The following CFAP99 variants were observed in gnomAD, a reference collection of about 807,000 sequenced individuals.
CFAP99 encodes the protein cilia- and flagella-associated protein 99.
In CFAP99, 84 loss-of-function variants were observed where a neutral mutation model predicts 82.7. The ratio of observed to expected loss-of-function variants is 1.02; its 90% CI spans 0.85 to 1.22. The LOEUF (loss-of-function observed/expected upper bound fraction) is 1.22. Ranked by LOEUF, CFAP99 falls within the 50% of genes most tolerant of loss-of-function variation. The pLI, the probability that CFAP99 is intolerant of heterozygous loss-of-function variation, is 0.00. For missense variants in CFAP99, 1,059 were observed against 983.5 expected, an observed-to-expected ratio of 1.08 and a Z score of -1.03; for synonymous variants, 456 against 429.5, an observed-to-expected ratio of 1.06 and a Z score of -0.76.
intron 11 of CFAP99, among the ~76,000 whole-genome samples, chr4:2,456,586 C>T (rs959200909): frequency 1.3e-5 from 2 of 152,310 alleles, no homozygotes; most frequent in East Asian, 1.9e-4. Flanking sequence ...ATGGTGCGAT[C>T]TCGGCTCACC....
At chr4:2,450,063 A>G in intron 8 of CFAP99, 58 bp downstream of exon 8, 1 of 1,502,842 alleles carries the variant, frequency 6.7e-7, no homozygotes, top group Non-Finnish European at 9.0e-7. Context: ...AAGCCATCAG[A>G]AAGTTCCTCC....
chr4:2,423,627 C>T (rs1733626144), intron 1 of CFAP99, among the ~76,000 whole-genome samples: 1 of 152,168 alleles, frequency 6.6e-6, no homozygotes, highest in South Asian at 2.1e-4. Context: ...GTGGCAGGTC[C>T]CCAGGGGCAG....
At chr4:2,444,094 G>A (rs924589841) in intron 5 of CFAP99, among the ~76,000 whole-genome samples, 1 of 152,158 alleles carries the variant, frequency 6.6e-6, no homozygotes, top group East Asian at 1.9e-4. Context: ...CCCTGGAGAT[G>A]TTCCTTTACC....
chr4:2,438,240 C>T, intron 4 of CFAP99, 76 bp downstream of exon 4: 1 of 835,970 alleles, frequency 1.2e-6, no homozygotes, highest in Non-Finnish European at 2.0e-6. Flanking sequence ...CACCTTTCGT[C>T]ATTCTGGTTG....
At chr4:2,460,353 C>T in intron 14 of CFAP99, 111 bp downstream of exon 14, 1 of 962,428 alleles carries the variant, frequency 1.0e-6, no homozygotes, top group South Asian at 1.5e-5. Flanking sequence ...CCCTCCTGCC[C>T]AGGAAGTTCC....
intron 14 of CFAP99, among the ~76,000 whole-genome samples, chr4:2,460,479 T>C (rs1734596586): frequency 6.6e-6 from 1 of 152,228 alleles, no homozygotes; most frequent in Non-Finnish European, 1.5e-5. Context: ...CAGTCATTTT[T>C]GCACCCAGCT....
intron 2 of CFAP99, among the ~76,000 whole-genome samples, chr4:2,431,240 G>T (rs1454488127): frequency 6.6e-6 from 1 of 151,884 alleles, no homozygotes; most frequent in East Asian, 1.9e-4. Flanking sequence ...ATGGTGGCGG[G>T]TGCCTGTGGT....
At chr4:2,460,161 A>G (rs3135152) in exon 14 of CFAP99, 1,536,063 of 1,536,150 alleles carry the variant, frequency 1, 767,988 homozygotes, top group Admixed American at 1. Context: ...CAGGGCAAGC[A>G]CACCAAGAGC....
At position 2,445,319 on chromosome 4, in the gene CFAP99, G is replaced by C. The variant is rs968339132; in HGVS notation, c.642+11G>C. 71 of 1,327,400 alleles carry C rather than the reference G, an allele frequency of 5.3e-5. No homozygotes were observed. The highest frequency in any genetic ancestry group is 1.1e-4 in the Admixed American group (3 of 27,808). The allele number at this position is 1,327,400 out of a possible 1,614,324, so 82.2% of individuals were successfully genotyped here. ...GCCAAGCCGAGACCCGTGAGTGTGG[G>C]CATTCTCAGCAGGCACTGGCTTGCA... On this transcript the variant is annotated intron_variant, in intron 6 of 14. Transcript: ENST00000635017.
intron 13 of CFAP99, among the ~76,000 whole-genome samples, chr4:2,459,620 C>T (rs1172564056): frequency 6.6e-6 from 1 of 152,108 alleles, no homozygotes; most frequent in Admixed American, 6.5e-5. Flanking sequence ...CTGCATGGAG[C>T]AGGAGGTTGA....
At chr4:2,456,043 G>A (rs1265186351) in intron 11 of CFAP99, among the ~76,000 whole-genome samples, 2 of 152,142 alleles carry the variant, frequency 1.3e-5, no homozygotes, top group Non-Finnish European at 2.9e-5. Context: ...CCATTGAGAG[G>A]AGAGATGTTT....
At chr4:2,452,967 G>T (rs1047015409) in intron 11 of CFAP99, among the ~76,000 whole-genome samples, 1 of 152,146 alleles carries the variant, frequency 6.6e-6, no homozygotes, top group Non-Finnish European at 1.5e-5. Flanking sequence ...GGAGGCTGAG[G>T]TAGGAGGATC....
intron 1 of CFAP99, among the ~76,000 whole-genome samples, chr4:2,424,523 C>T (rs1733646232): frequency 6.6e-6 from 1 of 152,184 alleles, no homozygotes; most frequent in Non-Finnish European, 1.5e-5. Context: ...GGTGGGGACA[C>T]AGGCCCTGGG....
exon 5 of CFAP99, chr4:2,443,198 C>T (rs778570934): frequency 3.5e-4 from 537 of 1,535,776 alleles, no homozygotes; most frequent in South Asian, 6.4e-4. Flanking sequence ...GCCTCATCTA[C>T]GAGCCAGCCC....
intron 2 of CFAP99, among the ~76,000 whole-genome samples, chr4:2,432,981 C>A (rs1733828292): frequency 2.0e-5 from 3 of 151,992 alleles, no homozygotes; most frequent in Admixed American, 6.5e-5. Flanking sequence ...CTTGCCCCCA[C>A]CCCCAGGCCC....
chr4:2,426,406 C>G lies in CFAP99; in HGVS notation c.-17-53C>G. ...GACTCCTGTCGCTGCTGGGGAGGGTCCTGCGGCTACATCCCAGGTGTGGAG... is the reference window on the plus strand; with the variant it reads ...GACTCCTGTCGCTGCTGGGGAGGGTGCTGCGGCTACATCCCAGGTGTGGAG... On this transcript the variant is annotated intron_variant, in intron 1 of 14. Coordinates refer to ENST00000635017, the Ensembl canonical transcript of CFAP99. The G allele has an allele frequency of 1.5e-5, 17 of 1,140,892 alleles. No homozygotes were observed. In the South Asian group the frequency reaches 2.3e-4, roughly 15 times the overall value. 70.7% of individuals were successfully genotyped at this position (1,140,892 alleles called of 1,614,324 possible).
At position 2,462,910 on chromosome 4, in the gene CFAP99, G is replaced by C. The variant is rs1458440373; in HGVS notation, c.2129G>C (p.Arg710Pro). 1 of 1,306,802 alleles carries C rather than the reference G, an allele frequency of 7.7e-7. No individual in the cohort carries two copies. Among genetic ancestry groups the C allele is most frequent in the Non-Finnish European group, 9.7e-7 (1 of 1,034,634 alleles). The allele number at this position is 1,306,802 out of a possible 1,614,324, so 81.0% of individuals were successfully genotyped here. Reference sequence around the variant, plus strand: ...GGCTCAGGACCCGGGCCCGCGCGCCGCCTGGAGGCCGCCTGAGCCGGGCCG... The same window carrying C: ...GGCTCAGGACCCGGGCCCGCGCGCCCCCTGGAGGCCGCCTGAGCCGGGCCG... The change falls in exon 15 of 15, where the codon CGC becomes CCC. Residue 710 changes from arginine to proline, a missense_variant. Transcript: ENST00000635017. The surrounding 1 kb of genome is among the most constrained non-coding windows in gnomAD (Gnocchi z 4.1).
chr4:2,455,309 T>G (rs1734403664), intron 11 of CFAP99, among the ~76,000 whole-genome samples: 1 of 152,274 alleles, frequency 6.6e-6, no homozygotes, highest in Non-Finnish European at 1.5e-5. Context: ...GATGGGTGTT[T>G]GCCATGCAAA....
intron 3 of CFAP99, 25 bp downstream of exon 3, chr4:2,437,043 G>T: frequency 6.5e-7 from 1 of 1,535,866 alleles, no homozygotes; most frequent in African/African-American, 1.4e-5. Context: ...GGTCCCCAGG[G>T]CCAGGCCGTA....
Sources: gnomAD v4.1 joint callset for allele counts (sites outside exome capture counted in the v4.1 genomes callset) on GRCh38, gnomAD v4.1.1 for gene constraint, Gnocchi (gnomAD v3.1) non-coding constraint, MANE v1.5 for transcripts, NCBI Gene and HGNC (gene_info 2026-07-23, HGNC 2026-07-21) for gene names.